The following NDUFA12 variants were observed in gnomAD, a reference collection of about 807,000 sequenced individuals.
NDUFA12 encodes NADH:ubiquinone oxidoreductase subunit A12, also known as NADH dehydrogenase [ubiquinone] 1 alpha subcomplex subunit 12.
Under a neutral mutation model 20.3 loss-of-function variants are expected in NDUFA12, and 17 were observed. That is an observed-to-expected ratio of 0.84 (90% confidence interval 0.57 to 1.26). The LOEUF (loss-of-function observed/expected upper bound fraction) is 1.26. Among genes scored for constraint, NDUFA12 ranks in the 50% most tolerant of loss-of-function variants. NDUFA12 has a pLI of 0.00. For missense variants in NDUFA12, 191 were observed against 183.7 expected (o/e 1.04, Z -0.23); for synonymous variants, 72 against 63.6 (o/e 1.13, Z -0.63).
intron 1 of NDUFA12, among the ~76,000 whole-genome samples, chr12:95,003,130 C>A (rs10859822): frequency 0.3 from 45,268 of 152,054 alleles, 7,055 homozygotes; most frequent in East Asian, 0.39. Flanking sequence ...TACAATGATA[C>A]GAAGGTCTCC....
chr12:94,981,641 C>A (rs1408522125), intron 3 of NDUFA12, among the ~76,000 whole-genome samples: 1 of 152,096 alleles, frequency 6.6e-6, no homozygotes, highest in Non-Finnish European at 1.5e-5. Flanking sequence ...TACTAGTATT[C>A]ATTAAGTGCC....
chr12:94,995,636 C>T (rs1188694753), intron 2 of NDUFA12, among the ~76,000 whole-genome samples: 1 of 151,734 alleles, frequency 6.6e-6, no homozygotes, highest in Non-Finnish European at 1.5e-5. Context: ...TGGGTTCAAG[C>T]GATTCTCCTG....
At chr12:94,981,474 T>C (rs1480785101) in intron 3 of NDUFA12, among the ~76,000 whole-genome samples, 1 of 152,200 alleles carries the variant, frequency 6.6e-6, no homozygotes, top group Non-Finnish European at 1.5e-5. Flanking sequence ...TTATTTGTTA[T>C]CTACTTAAAT....
intron 3 of NDUFA12, among the ~76,000 whole-genome samples, chr12:94,989,003 G>A (rs1874545029): frequency 6.6e-6 from 1 of 152,028 alleles, no homozygotes; most frequent in Non-Finnish European, 1.5e-5. Flanking sequence ...AGCCAAACTG[G>A]CCATACTGCT....
intron 3 of NDUFA12, among the ~76,000 whole-genome samples, chr12:94,981,875 G>T (rs566915460): frequency 6.6e-6 from 1 of 152,310 alleles, no homozygotes; most frequent in African/African-American, 2.4e-5. Flanking sequence ...TTTTGTTTTT[G>T]TACTGGTGGA....
At chr12:94,977,013 T>C (rs138760967) in intron 3 of NDUFA12, among the ~76,000 whole-genome samples, 1 of 152,182 alleles carries the variant, frequency 6.6e-6, no homozygotes, top group Non-Finnish European at 1.5e-5. Flanking sequence ...AGAAAGGGTA[T>C]AAAGAAAAGT....
At chr12:95,000,648 G>A (rs1874992360) in intron 2 of NDUFA12, among the ~76,000 whole-genome samples, 1 of 152,112 alleles carries the variant, frequency 6.6e-6, no homozygotes, top group Non-Finnish European at 1.5e-5. Context: ...AGTTAACCAG[G>A]TCACAAAGTT....
At chr12:94,977,236 C>T (rs1434760907) in intron 3 of NDUFA12, among the ~76,000 whole-genome samples, 1 of 152,166 alleles carries the variant, frequency 6.6e-6, no homozygotes, top group Non-Finnish European at 1.5e-5. Flanking sequence ...GTGGCTGTCA[C>T]ATATAATCCC....
chr12:94,973,753 C>G (rs1200558460), intron 3 of NDUFA12, among the ~76,000 whole-genome samples: 2 of 151,954 alleles, frequency 1.3e-5, no homozygotes, highest in African/African-American at 4.8e-5. Flanking sequence ...AATATTTATC[C>G]TAGCAAGCCT....
At chr12:94,986,767 G>C (rs1016305680) in intron 3 of NDUFA12, among the ~76,000 whole-genome samples, 1 of 152,010 alleles carries the variant, frequency 6.6e-6, no homozygotes, top group Non-Finnish European at 1.5e-5. Flanking sequence ...ACTCAGCCTG[G>C]GCGACAGAGT....
intron 3 of NDUFA12, among the ~76,000 whole-genome samples, chr12:94,987,791 C>CAAA (rs61711763): frequency 1.4e-5 from 1 of 69,340 alleles, no homozygotes; most frequent in African/African-American, 5.9e-5. Flanking sequence ...GACATTGTCT[C>CAAA]AAAAAAAAAA....
At chr12:94,977,817 TA>T (rs545208628) in intron 3 of NDUFA12, among the ~76,000 whole-genome samples, 1 of 151,652 alleles carries the variant, frequency 6.6e-6, no homozygotes, top group African/African-American at 2.4e-5. Context: ...TTAAATAATA[TA>T]AAAAAAATGT....
At chr12:94,980,030 T>C (rs1051579673) in intron 3 of NDUFA12, among the ~76,000 whole-genome samples, 3 of 152,138 alleles carry the variant, frequency 2.0e-5, no homozygotes, top group African/African-American at 4.8e-5. Flanking sequence ...TCTGTCATCA[T>C]CTTCCTCAAC....
At chr12:94,990,283 AC>A (rs980609574) in intron 3 of NDUFA12, among the ~76,000 whole-genome samples, 24 of 149,404 alleles carry the variant, frequency 1.6e-4, no homozygotes, top group Admixed American at 1.3e-4. Context: ...AAAAAAAAAA[AC>A]AAAAAAACCC....
intron 2 of NDUFA12, chr12:94,997,187 ACACACACACG>A (rs57013189): frequency 0.061 from 11,703 of 190,364 alleles, 483 homozygotes; most frequent in Middle Eastern, 0.14. Context: ...TCACACATAC[ACACACACACG>A]CACACACACG....
intron 3 of NDUFA12, among the ~76,000 whole-genome samples, chr12:94,991,720 C>T (rs1874651064): frequency 8.2e-6 from 1 of 121,970 alleles, no homozygotes; most frequent in African/African-American, 3.0e-5. Context: ...GAGTGAGACG[C>T]TATCTCAAAA....
chr12:94,975,983 G>A (rs1457524671), intron 3 of NDUFA12, among the ~76,000 whole-genome samples: 3 of 152,068 alleles, frequency 2.0e-5, no homozygotes, highest in Admixed American at 6.6e-5. Flanking sequence ...GTTCAAGGCT[G>A]CAGAAAGCCA....
intron 2 of NDUFA12, among the ~76,000 whole-genome samples, chr12:95,000,259 A>C (rs1874978942): frequency 6.6e-6 from 1 of 152,198 alleles, no homozygotes; most frequent in Non-Finnish European, 1.5e-5. Flanking sequence ...CTCACTTACA[A>C]GTGGGAACTA....
chr12:94,975,763 T>C (rs568975674), intron 3 of NDUFA12, among the ~76,000 whole-genome samples: 8 of 152,290 alleles, frequency 5.3e-5, no homozygotes, highest in Non-Finnish European at 1.2e-4. Flanking sequence ...ATAGATAATA[T>C]TTTGGCCAGG....
Sources: allele counts gnomAD v4.1 joint callset (sites outside exome capture counted in the v4.1 genomes callset), GRCh38; gene constraint gnomAD v4.1.1; transcripts MANE v1.5; gene names NCBI Gene and HGNC (gene_info 2026-07-23, HGNC 2026-07-21).